The following DDHD2 variants were observed in gnomAD, a reference collection of about 807,000 sequenced individuals.
DDHD2 encodes triacylglycerol hydrolase DDHD2.
DDHD2 carries 62 observed loss-of-function variants against 91.2 expected under a neutral mutation model. The ratio of observed to expected loss-of-function variants is 0.68; its 90% CI spans 0.55 to 0.84. The LOEUF is 0.84. Ranked by LOEUF, DDHD2 falls within the 40% of genes least tolerant of loss-of-function variation. The pLI, the probability that DDHD2 is intolerant of heterozygous loss-of-function variation, is 0.00. For missense variants in DDHD2, 740 were observed against 846.9 expected, an observed-to-expected ratio of 0.87 and a Z score of 1.57; for synonymous variants, 271 against 293.9, an observed-to-expected ratio of 0.92 and a Z score of 0.80.
At chr8:38,236,730 G>C (rs1047411058) in intron 3 of DDHD2, among the ~76,000 whole-genome samples, 1 of 152,052 alleles carries the variant, frequency 6.6e-6, no homozygotes, top group Non-Finnish European at 1.5e-5. Context: ...ATGTTGGTCA[G>C]GCTGGTCTCG....
chr8:38,245,387 G>A (rs996163389), intron 7 of DDHD2, among the ~76,000 whole-genome samples: 4 of 151,422 alleles, frequency 2.6e-5, no homozygotes, highest in African/African-American at 7.3e-5. Flanking sequence ...AGCTGAGATC[G>A]TGCCACTGCC....
At chr8:38,255,725 A>G in intron 16 of DDHD2, among the ~76,000 whole-genome samples, 1 of 151,480 alleles carries the variant, frequency 6.6e-6, no homozygotes, top group African/African-American at 2.4e-5. Context: ...GTCTTCCGTT[A>G]TGTAAATACA....
At chr8:38,232,412 C>G (rs1006400564) in intron 1 of DDHD2, among the ~76,000 whole-genome samples, 1 of 152,254 alleles carries the variant, frequency 6.6e-6, no homozygotes, top group African/African-American at 2.4e-5. Flanking sequence ...CGTGCGTGTG[C>G]GCACCGTGGC....
At position 38,261,176 on chromosome 8, in the gene DDHD2, C is replaced by G. The variant is rs1806992091; in HGVS notation, c.*603C>G. 1 of 152,160 alleles carries G rather than the reference C, an allele frequency of 6.6e-6. No homozygotes were observed. The highest frequency in any genetic ancestry group is 2.4e-5 in the African/African-American group (1 of 41,442). The allele number at this position is 152,160 out of a possible 1,614,324, so 9.4% of individuals were successfully genotyped here. A position where few individuals can be genotyped will look rare whatever the true frequency, so the allele number is the denominator to read the frequency against. ...TAGCTTTAAAAAAGTGTTGTTTACT[C>G]TCTTAGAACTGACAGACTTATTGCC... On this transcript the variant is annotated 3_prime_UTR_variant, in exon 18 of 18. Coordinates refer to ENST00000397166, the MANE Select transcript of DDHD2 (RefSeq NM_015214.3).
chr8:38,265,843 T>C (rs62503951), downstream of DDHD2, among the ~76,000 whole-genome samples: 6,821 of 152,340 alleles, frequency 0.045, 193 homozygotes, highest in South Asian at 0.093. Context: ...CCTATGACAA[T>C]GAACCTGATT....
intron 1 of DDHD2, among the ~76,000 whole-genome samples, chr8:38,232,735 A>G (rs991479719): frequency 6.6e-6 from 1 of 152,162 alleles, no homozygotes; most frequent in Admixed American, 6.5e-5. Context: ...TAACTTATGG[A>G]CTGAGTAAAA....
chr8:38,241,364 A>T (rs1185797296), intron 6 of DDHD2, among the ~76,000 whole-genome samples: 1 of 151,178 alleles, frequency 6.6e-6, no homozygotes, highest in Non-Finnish European at 1.5e-5. Flanking sequence ...CATGATGCCG[A>T]CGTTTTGAAG....
Position 38,268,037 on chromosome 8 carries a change from C to G in DDHD2, n.88-3085C>G. 14 of 1,605,128 alleles carry G rather than the reference C, an allele frequency of 8.7e-6. 2 individuals carry two copies. The South Asian group carries it at 1.6e-4, about 18-fold the overall frequency. The stretch of plus-strand genomic sequence containing the variant: ...GTCATGGCCTCGTTATGAGAGCAGC[C>G]GTGCTGTTTCTGAGATGGATAGAAT... On this transcript the variant is annotated intron_variant and non_coding_transcript_variant, in intron 1 of 1. Transcript: ENST00000526071.
At chr8:38,252,068 G>A in intron 12 of DDHD2, 40 bp downstream of exon 12, 1 of 1,612,932 alleles carries the variant, frequency 6.2e-7, no homozygotes. Flanking sequence ...CCTGCTATTT[G>A]TATGGTAGAA....
chr8:38,255,244 C>T, intron 16 of DDHD2: 1 of 324,394 alleles, frequency 3.1e-6, no homozygotes. Flanking sequence ...AATAATTTTT[C>T]CCTTGAATTC....
intron 16 of DDHD2, among the ~76,000 whole-genome samples, chr8:38,257,807 G>C (rs1806646088): frequency 6.6e-6 from 1 of 151,478 alleles, no homozygotes; most frequent in Non-Finnish European, 1.5e-5. Flanking sequence ...CAGCATTACA[G>C]GTGTGCACCA....
At chr8:38,238,439 A>G (rs1189387260) in intron 5 of DDHD2, 2 of 1,266,010 alleles carry the variant, frequency 1.6e-6, no homozygotes, top group Non-Finnish European at 2.0e-6. Flanking sequence ...AATACTATCC[A>G]GGAAGTCACT....
chr8:38,273,577 A>G (rs944135160), downstream of DDHD2: 6 of 152,238 alleles, frequency 3.9e-5, no homozygotes, highest in African/African-American at 1.4e-4. Flanking sequence ...GGAATATTAA[A>G]GGAAATCCTT....
chr8:38,255,854 G>A (rs1447333611), intron 16 of DDHD2, among the ~76,000 whole-genome samples: 3 of 151,998 alleles, frequency 2.0e-5, no homozygotes, highest in East Asian at 3.9e-4. Flanking sequence ...AAAATACTTC[G>A]AATTGAAATC....
At chr8:38,238,813 A>G (rs1805011440) in intron 5 of DDHD2, 1 of 528,952 alleles carries the variant, frequency 1.9e-6, no homozygotes, top group African/African-American at 2.1e-5. Context: ...TAACTGTATT[A>G]TGGTTATGTA....
At chr8:38,242,206 T>G in intron 6 of DDHD2, 44 bp from the exon 7 acceptor site, 1 of 1,486,440 alleles carries the variant, frequency 6.7e-7, no homozygotes, top group Non-Finnish European at 9.1e-7. Flanking sequence ...ATTCTACAGA[T>G]TTGTTACTTC....
chr8:38,249,889 G>A (rs1169559176), intron 11 of DDHD2, 86 bp downstream of exon 11: 5 of 898,478 alleles, frequency 5.6e-6, no homozygotes, highest in Admixed American at 2.7e-5. Context: ...TTTACTCTGG[G>A]GAGCCAAGCA....
intron 16 of DDHD2, among the ~76,000 whole-genome samples, chr8:38,257,738 C>G (rs1806641612): frequency 7.0e-6 from 1 of 142,028 alleles, no homozygotes; most frequent in African/African-American, 2.6e-5. Flanking sequence ...GATCTCGGCT[C>G]ACTGCAACCT....
chr8:38,272,536 C>G (rs1475854703), downstream of DDHD2: 1 of 152,272 alleles, frequency 6.6e-6, no homozygotes, highest in Non-Finnish European at 1.5e-5. Flanking sequence ...CCCTCCCTCC[C>G]CTGCACAGTG....
Sources: allele counts gnomAD v4.1 joint callset (sites outside exome capture counted in the v4.1 genomes callset), GRCh38; gene constraint gnomAD v4.1.1; transcripts MANE v1.5; gene names NCBI Gene and HGNC (gene_info 2026-07-23, HGNC 2026-07-21).